Variants in FBLN2 observed in about 807,000 individuals in gnomAD.
The protein encoded by FBLN2 is fibulin-2.
A neutral mutation model predicts 123.7 loss-of-function variants in FBLN2; 81 were observed. That is an observed-to-expected ratio of 0.65 (90% CI 0.55 to 0.79). FBLN2 has a LOEUF of 0.79. Ranked by LOEUF, FBLN2 falls within the 30% of genes least tolerant of loss-of-function variation. The pLI, the probability that FBLN2 is intolerant of heterozygous loss-of-function variation, is 0.00. For missense variants in FBLN2, 1,603 were observed against 1,681.3 expected, an observed-to-expected ratio of 0.95 and a Z score of 0.81; for synonymous variants, 699 against 701.4, an observed-to-expected ratio of 1.00 and a Z score of 0.05.
chr3:13,612,341 T>TTCTTTCTTTCTC (rs1169547674), intron 4 of FBLN2, among the ~76,000 whole-genome samples: 2 of 67,384 alleles, frequency 3.0e-5, no homozygotes, highest in African/African-American at 1.2e-4. Context: ...CTTTCTTTCT[T>TTCTTTCTTTCTC]TTCTTTCTTT....
At chr3:13,630,634 C>A in intron 14 of FBLN2, 65 bp from the exon 15 acceptor site, 2 of 1,352,438 alleles carry the variant, frequency 1.5e-6, no homozygotes, top group Non-Finnish European at 2.1e-6. Flanking sequence ...TGTCAGACAG[C>A]ATTTGGATGG....
rs2124823361 is a variant in FBLN2 at position 13,570,733 on chromosome 3, G to T, written c.378G>T (p.Val126=). The T allele has an allele frequency of 3.7e-6, 6 of 1,601,344 alleles. No homozygotes were observed. Among genetic ancestry groups the T allele is most frequent in the Non-Finnish European group, 5.1e-6 (6 of 1,174,456 alleles). The part of the protein sequence containing the change: ...ELPPNCIEAV[V]VADSCPQCGQ... The stretch of plus-strand genomic sequence containing the variant: ...CGCCCAACTGCATCGAGGCTGTAGT[G>T]GTGGCTGACAGCTGCCCACAGTGCG... Residue 126 remains valine, a synonymous_variant, in exon 2 of 18, where the codon GTG becomes GTT. Coordinates refer to ENST00000404922, the MANE Select transcript of FBLN2 (RefSeq NM_001004019.2).
chr3:13,563,537 G>A (rs1375900288), intron 1 of FBLN2, among the ~76,000 whole-genome samples: 6 of 152,132 alleles, frequency 3.9e-5, no homozygotes, highest in Non-Finnish European at 8.8e-5. Context: ...AGCTCCCCCT[G>A]GCTCTGCCTG....
intron 16 of FBLN2, among the ~76,000 whole-genome samples, chr3:13,636,232 A>T (rs1445563444): frequency 6.6e-6 from 1 of 152,146 alleles, no homozygotes; most frequent in African/African-American, 2.4e-5. Flanking sequence ...AAGCCTTGGG[A>T]GGGCATGACA....
chr3:13,585,417 T>C (rs1704464893), intron 2 of FBLN2, among the ~76,000 whole-genome samples: 1 of 152,174 alleles, frequency 6.6e-6, no homozygotes, highest in African/African-American at 2.4e-5. Flanking sequence ...AATCAGTGCC[T>C]GGTCAAGTTC....
At chr3:13,633,071 G>A (rs908810) in intron 16 of FBLN2, among the ~76,000 whole-genome samples, 99,524 of 152,114 alleles carry the variant, frequency 0.65, 33,167 homozygotes, top group East Asian at 0.98. Flanking sequence ...AAACCTGTCT[G>A]CATTGAGGAC....
rs61731214 is a variant in FBLN2, at chr3:13,628,993, C to A, written c.2658C>A (p.Asn886Lys). ...NTVGSYTCQR[N>K]PLICARGYHA... ...TGGGCTCCTACACATGCCAGAGGAA[C>A]CCGCTGATCTGCGCGCGCGGCTACC... The change falls in exon 12 of 18, where the codon AAC becomes AAA. Residue 886 changes from asparagine (N) to lysine (K), a missense_variant. Coordinates refer to ENST00000404922, the MANE Select transcript of FBLN2 (RefSeq NM_001004019.2). 9.2e-4 allele frequency: 1,481 copies of A among 1,613,576 alleles called. 7 individuals are homozygous for A. The African/African-American group carries it at 0.013, about 15-fold the overall frequency.
At chr3:13,629,757 T>TG in intron 13 of FBLN2, 63 bp from the exon 14 acceptor site, 1 of 1,528,286 alleles carries the variant, frequency 6.5e-7, no homozygotes, top group Admixed American at 2.1e-5. Flanking sequence ...GGATGGCCCT[T>TG]GGGGGTGGAG....
chr3:13,565,445 C>T (rs1313497406), intron 1 of FBLN2, among the ~76,000 whole-genome samples: 1 of 152,172 alleles, frequency 6.6e-6, no homozygotes, highest in African/African-American at 2.4e-5. Context: ...TTTGGCTCTT[C>T]CTGTGAAGAA....
intron 2 of FBLN2, among the ~76,000 whole-genome samples, chr3:13,582,311 A>G (rs1417507965): frequency 6.6e-6 from 1 of 152,162 alleles, no homozygotes; most frequent in Non-Finnish European, 1.5e-5. Context: ...TGAGCCTTCC[A>G]GAATCCTGGG....
chr3:13,549,280 G>A (rs1273811495), intron 1 of FBLN2, 72 bp downstream of exon 1: 2 of 932,876 alleles, frequency 2.1e-6, no homozygotes, highest in African/African-American at 1.8e-5. Flanking sequence ...GGACTCGGGG[G>A]CGCTCGGACG....
At chr3:13,558,094 A>G (rs1703508125) in intron 1 of FBLN2, among the ~76,000 whole-genome samples, 1 of 152,200 alleles carries the variant, frequency 6.6e-6, no homozygotes, top group South Asian at 2.1e-4. Flanking sequence ...TAAATTGGGC[A>G]CAGCAAAGGC....
At chr3:13,581,417 G>C (rs1704324207) in intron 2 of FBLN2, among the ~76,000 whole-genome samples, 2 of 152,174 alleles carry the variant, frequency 1.3e-5, no homozygotes, top group Non-Finnish European at 2.9e-5. Flanking sequence ...GTTTGGGGAA[G>C]GAGCTCTCTG....
rs1052103891 is a variant in FBLN2, at chr3:13,571,098, C to T, written c.743C>T (p.Pro248Leu). The change falls in exon 2 of 18, where the codon CCA (proline) becomes CTA (leucine). Residue 248 changes from proline to leucine, a missense_variant. By Grantham distance (98) the Pro-to-Leu change is moderately conservative. Coordinates refer to ENST00000404922, the MANE Select transcript of FBLN2 (RefSeq NM_001004019.2). ...PLSTIQAPPWPAVLPRPTAAA... is the reference protein window; with the variant it reads ...PLSTIQAPPWLAVLPRPTAAA... ...TCCACCATCCAGGCACCCCCCTGGC[C>T]AGCTGTCCTCCCCAGGCCCACAGCG... is the stretch of plus-strand genomic sequence containing the variant. The T allele has an allele frequency of 2.6e-6, 4 of 1,552,876 alleles. No homozygotes were observed. The highest frequency in any genetic ancestry group is 1.4e-5 in the African/African-American group (1 of 73,138).
intron 9 of FBLN2, among the ~76,000 whole-genome samples, chr3:13,623,445 C>A (rs1291610669): frequency 6.6e-6 from 1 of 152,236 alleles, no homozygotes; most frequent in African/African-American, 2.4e-5. Context: ...TTCTTTCTTT[C>A]CCTCCTTGTT....
In FBLN2 at chr3:13,619,024, A is replaced by T. The variant is rs531148805; in HGVS notation, c.2053+7A>T. 22 of 1,600,136 alleles carry T rather than the reference A, an allele frequency of 1.4e-5. No individual in the cohort carries two copies. Among genetic ancestry groups the T allele is most frequent in the Non-Finnish European group, 1.8e-5 (21 of 1,171,918 alleles). The stretch of plus-strand genomic sequence containing the variant: ...CAGCCCAATACCTGCAAAGGTAAGC[A>T]GTGTGGGTGGTGTCTCCAGGACAGG... On this transcript the variant is annotated splice_region_variant and intron_variant, in intron 7 of 17. Transcript: ENST00000404922.
chr3:13,555,676 G>A (rs549644767), intron 1 of FBLN2, among the ~76,000 whole-genome samples: 4 of 151,916 alleles, frequency 2.6e-5, no homozygotes, highest in Admixed American at 2.0e-4. Context: ...GGATGGTCTC[G>A]ATCTCCTGAC....
chr3:13,624,245 G>A (rs1705949537), intron 9 of FBLN2, among the ~76,000 whole-genome samples: 1 of 152,210 alleles, frequency 6.6e-6, no homozygotes, highest in Non-Finnish European at 1.5e-5. Flanking sequence ...GCACTACCGG[G>A]AGGCTGATTT....
At position 13,608,044 on chromosome 3, in the gene FBLN2, T is replaced by C; in HGVS notation, c.1307-18T>C. 1 of 1,555,934 alleles carries C rather than the reference T, an allele frequency of 6.4e-7. No homozygotes were observed. Among genetic ancestry groups the C allele is most frequent in the Non-Finnish European group, 8.7e-7 (1 of 1,148,224 alleles). On this transcript the variant is annotated intron_variant, in intron 2 of 17. Coordinates refer to ENST00000404922, the MANE Select transcript of FBLN2 (RefSeq NM_001004019.2). The stretch of plus-strand genomic sequence containing the variant: ...GTGACTTATGAATGGTGACTCTGCC[T>C]CATGTTGCTATCCACAGGCTCCACC...
Sources: gnomAD v4.1 joint callset for allele counts (sites outside exome capture counted in the v4.1 genomes callset) on GRCh38, gnomAD v4.1.1 for gene constraint, MANE v1.5 for transcripts, NCBI Gene and HGNC (gene_info 2026-07-23, HGNC 2026-07-21) for gene names.